The following EYS variants were observed in gnomAD, a reference collection of about 807,000 sequenced individuals.
EYS encodes protein eyes shut homolog.
In EYS, 250 loss-of-function variants were observed where a neutral mutation model predicts 282.1. The ratio of observed to expected loss-of-function variants is 0.89; its 90% confidence interval spans 0.80 to 0.98. The LOEUF (loss-of-function observed/expected upper bound fraction) is 0.98. EYS is among the 50% of genes least tolerant of loss of function. The pLI, the probability that EYS is intolerant of heterozygous loss-of-function variation, is 0.00. For missense variants in EYS, 4,016 were observed against 3,709.0 expected (o/e 1.08, Z -2.15); for synonymous variants, 1,355 against 1,282.9 (o/e 1.06, Z -1.20).
intron 30 of EYS, among the ~76,000 whole-genome samples, chr6:64,242,220 G>A (rs1766857483): frequency 6.6e-6 from 1 of 152,078 alleles, no homozygotes; most frequent in African/African-American, 2.4e-5. Flanking sequence ...GGATATCCTT[G>A]TTAATTTTCT....
chr6:64,407,382 G>A (rs1773753036), intron 28 of EYS, among the ~76,000 whole-genome samples: 1 of 152,042 alleles, frequency 6.6e-6, no homozygotes, highest in African/African-American at 2.4e-5. Context: ...AAGCACCATG[G>A]CACATGTATA....
intron 14 of EYS, among the ~76,000 whole-genome samples, chr6:64,994,641 A>G (rs1368935852): frequency 1.3e-5 from 2 of 152,218 alleles, no homozygotes; most frequent in East Asian, 3.9e-4. Context: ...TTCACATTTT[A>G]TGTTTTTTCT....
chr6:64,397,769 G>T (rs919982409), intron 28 of EYS, among the ~76,000 whole-genome samples: 3 of 151,744 alleles, frequency 2.0e-5, no homozygotes, highest in African/African-American at 7.3e-5. Context: ...ATTGACTTCT[G>T]CTCTTTATGA....
At chr6:65,490,546 A>C in intron 5 of EYS, 48 bp downstream of exon 5, 1 of 1,001,692 alleles carries the variant, frequency 1.0e-6, no homozygotes, top group Non-Finnish European at 1.6e-6. Context: ...TACATAGATA[A>C]AATTAAAGTT....
intron 41 of EYS, among the ~76,000 whole-genome samples, chr6:63,734,158 T>C (rs1238770161): frequency 2.6e-5 from 4 of 152,240 alleles, no homozygotes; most frequent in South Asian, 4.1e-4. Context: ...GTTGAAAAAC[T>C]ATATTGAGTA....
chr6:65,609,073 C>T (rs1765902193), intron 2 of EYS, among the ~76,000 whole-genome samples: 1 of 151,954 alleles, frequency 6.6e-6, no homozygotes, highest in Non-Finnish European at 1.5e-5. Context: ...AAATCAATAA[C>T]ATAATCTTTT....
chr6:65,397,383 C>G (rs1766319316), intron 7 of EYS, among the ~76,000 whole-genome samples: 1 of 151,912 alleles, frequency 6.6e-6, no homozygotes, highest in Non-Finnish European at 1.5e-5. Flanking sequence ...ACCATCCCAC[C>G]TTTTAGAGTC....
chr6:64,661,999 A>G (rs557784134), intron 22 of EYS, among the ~76,000 whole-genome samples: 140 of 151,950 alleles, frequency 9.2e-4, no homozygotes, highest in Non-Finnish European at 2.8e-4. Flanking sequence ...TCCAACAATG[A>G]TAGACTCAAT....
intron 35 of EYS, among the ~76,000 whole-genome samples, chr6:63,903,475 C>G (rs1490278703): frequency 6.6e-6 from 1 of 152,168 alleles, no homozygotes; most frequent in Non-Finnish European, 1.5e-5. Flanking sequence ...AGGTACTTAA[C>G]TTCATTGTTT....
intron 12 of EYS, among the ~76,000 whole-genome samples, chr6:65,295,604 C>T (rs1342690617): frequency 6.6e-6 from 1 of 151,862 alleles, no homozygotes; most frequent in Non-Finnish European, 1.5e-5. Flanking sequence ...TTGACATATA[C>T]CATCATATTC....
At chr6:64,487,598 T>C (rs1256356361) in intron 26 of EYS, among the ~76,000 whole-genome samples, 1 of 150,994 alleles carries the variant, frequency 6.6e-6, no homozygotes, top group Admixed American at 6.6e-5. Flanking sequence ...CTGATATTAA[T>C]CCTTATCTTT....
intron 31 of EYS, among the ~76,000 whole-genome samples, chr6:64,229,845 T>C (rs1170394748): frequency 6.6e-6 from 1 of 152,172 alleles, no homozygotes; most frequent in Non-Finnish European, 1.5e-5. Flanking sequence ...GGATAAGTAA[T>C]AAAATTATCT....
intron 2 of EYS, among the ~76,000 whole-genome samples, chr6:65,518,597 T>C (rs1481688320): frequency 6.6e-6 from 1 of 152,170 alleles, no homozygotes; most frequent in Non-Finnish European, 1.5e-5. Context: ...CATCTTAAAA[T>C]TAGAATATAA....
At chr6:65,232,865 C>T (rs1277910419) in intron 12 of EYS, among the ~76,000 whole-genome samples, 1 of 152,054 alleles carries the variant, frequency 6.6e-6, no homozygotes, top group Non-Finnish European at 1.5e-5. Context: ...TATAAACTGC[C>T]TATTCTAGAC....
At chr6:63,918,617 T>A (rs1240597014) in intron 35 of EYS, among the ~76,000 whole-genome samples, 1 of 152,140 alleles carries the variant, frequency 6.6e-6, no homozygotes, top group Non-Finnish European at 1.5e-5. Context: ...TCCAAGAAGA[T>A]GACACAGAGC....
chr6:65,140,690 C>A (rs926857194), intron 12 of EYS, among the ~76,000 whole-genome samples: 1 of 151,960 alleles, frequency 6.6e-6, no homozygotes, highest in African/African-American at 2.4e-5. Flanking sequence ...AGGATATGAA[C>A]AGACACATCT....
At chr6:64,146,214 T>C (rs1198768098) in intron 31 of EYS, among the ~76,000 whole-genome samples, 1 of 152,134 alleles carries the variant, frequency 6.6e-6, no homozygotes, top group Non-Finnish European at 1.5e-5. Context: ...TATCCTCATA[T>C]AGGAATGAAT....
At chr6:64,012,744 G>T (rs1318821824) in intron 33 of EYS, among the ~76,000 whole-genome samples, 2 of 152,116 alleles carry the variant, frequency 1.3e-5, no homozygotes, top group East Asian at 3.9e-4. Flanking sequence ...TCTTGACATT[G>T]TCTGTGCAAC....
At chr6:64,081,207 T>G (rs1178950144) in intron 32 of EYS, among the ~76,000 whole-genome samples, 1 of 152,204 alleles carries the variant, frequency 6.6e-6, no homozygotes, top group Non-Finnish European at 1.5e-5. Flanking sequence ...TTAAAATGAT[T>G]GTGCATTTAT....
Sources: allele counts gnomAD v4.1 joint callset (sites outside exome capture counted in the v4.1 genomes callset), GRCh38; gene constraint gnomAD v4.1.1; transcripts MANE v1.5; gene names NCBI Gene and HGNC (gene_info 2026-07-23, HGNC 2026-07-21).